The following KIRREL3 variants were observed in gnomAD, a reference collection of about 807,000 sequenced individuals.
KIRREL3 encodes kirre like nephrin family adhesion molecule 3.
A neutral mutation model predicts 89.7 loss-of-function variants in KIRREL3; 36 were observed. The ratio of observed to expected loss-of-function variants is 0.40; its 90% confidence interval spans 0.31 to 0.53. The LOEUF (loss-of-function observed/expected upper bound fraction) is 0.53. Ranked by LOEUF, KIRREL3 falls within the 20% of genes least tolerant of loss-of-function variation. KIRREL3 has a pLI of 0.49. For missense variants in KIRREL3, 864 were observed against 1,056.6 expected (o/e 0.82, Z 2.53); for synonymous variants, 445 against 441.4 (o/e 1.01, Z -0.10).
chr11:126,872,505 G>A lies in KIRREL3; in HGVS notation c.55+127950C>T, dbSNP rs532811494. 1.6e-3 allele frequency among the ~76,000 whole-genome samples: 250 copies of A among 152,258 alleles called. 1 individual carries two copies. The highest frequency in any genetic ancestry group is 3.1e-3 in the Admixed American group (47 of 15,292). Reference sequence around the variant, plus strand: ...TTCTTTCACCATCATCTCCCCATTGGATTATTTCCTGGGTGAAGCCAAGAA... The same window carrying A: ...TTCTTTCACCATCATCTCCCCATTGAATTATTTCCTGGGTGAAGCCAAGAA... On this transcript the variant is annotated intron_variant, in intron 1 of 16. Transcript: ENST00000525144. This position sits in a 1 kb window ranked among gnomAD's most constrained non-coding sequence, Gnocchi z 4.2.
At chr11:126,865,706 T>G (rs1169148643) in intron 1 of KIRREL3, among the ~76,000 whole-genome samples, 1 of 152,218 alleles carries the variant, frequency 6.6e-6, no homozygotes, top group Non-Finnish European at 1.5e-5. Flanking sequence ...TGTTTCTGTC[T>G]ATTTTGAATT....
chr11:126,982,355 C>T (rs1949744207), intron 1 of KIRREL3, among the ~76,000 whole-genome samples: 1 of 152,202 alleles, frequency 6.6e-6, no homozygotes, highest in Non-Finnish European at 1.5e-5. Flanking sequence ...GGCACATTGG[C>T]CTTCAGGCCT....
At chr11:126,862,454 G>T (rs1296603570) in intron 1 of KIRREL3, among the ~76,000 whole-genome samples, 1 of 152,224 alleles carries the variant, frequency 6.6e-6, no homozygotes, top group African/African-American at 2.4e-5. Flanking sequence ...CCTCCTGGGA[G>T]CTGCTTTTCT....
rs1375405726 is a variant in KIRREL3, at chr11:126,578,370, G to T, written c.56-15458C>A. ...GAGGAGGGCAAAATGGGAATTCATT[G>T]GAAGAGATCCTTGGTTCACACGCTA... On this transcript the variant is annotated intron_variant, in intron 1 of 16. Transcript: ENST00000525144. This position sits in a 1 kb window ranked among gnomAD's most constrained non-coding sequence, Gnocchi z 4.9. Among the ~76,000 whole-genome samples the T allele has an allele frequency of 1.3e-5, 2 of 152,170 alleles. No individual in the cohort carries two copies. Among genetic ancestry groups the T allele is most frequent in the African/African-American group, 4.8e-5 (2 of 41,454 alleles).
At position 126,754,638 on chromosome 11, in the gene KIRREL3, C is replaced by T. The variant is rs1030585414; in HGVS notation, c.56-191726G>A. Reference sequence around the variant, plus strand: ...TTTTAAAGTCACCAGGGAGTTCGTGCGCACTCAGTGGTGTCAGGTGGCTGT... The same window carrying T: ...TTTTAAAGTCACCAGGGAGTTCGTGTGCACTCAGTGGTGTCAGGTGGCTGT... On this transcript the variant is annotated intron_variant, in intron 1 of 16. Transcript: ENST00000525144. The surrounding 1 kb of genome is among the most constrained non-coding windows in gnomAD (Gnocchi z 5.1). Among the ~76,000 whole-genome samples, 8 of 151,894 alleles carry T rather than the reference C, an allele frequency of 5.3e-5. No homozygotes were observed. The highest frequency in any genetic ancestry group is 3.3e-4 in the Admixed American group (5 of 15,198).
chr11:126,916,636 G>C (rs1947051954), intron 1 of KIRREL3, among the ~76,000 whole-genome samples: 1 of 152,138 alleles, frequency 6.6e-6, no homozygotes, highest in Admixed American at 6.5e-5. Context: ...CCCTTAAAAA[G>C]CAAACAAACA....
In KIRREL3 at chr11:126,870,115, C is replaced by T. The variant is rs1945059465; in HGVS notation, c.55+130340G>A. 6.6e-6 allele frequency among the ~76,000 whole-genome samples: 1 copy of T among 152,192 alleles called. No homozygotes were observed. The highest frequency in any genetic ancestry group is 1.5e-5 in the Non-Finnish European group (1 of 68,040). ...CCTTTGAATCAGGGGCCCATGAGCACTGTGATTAATGACCAGGAGTGAGTG... is the reference window on the plus strand; with the variant it reads ...CCTTTGAATCAGGGGCCCATGAGCATTGTGATTAATGACCAGGAGTGAGTG... On this transcript the variant is annotated intron_variant, in intron 1 of 16. Transcript: ENST00000525144. The surrounding 1 kb of genome is among the most constrained non-coding windows in gnomAD (Gnocchi z 4.4).
rs986615932 is a variant in KIRREL3 at position 126,428,630 on chromosome 11, G to A, written c.1806+549C>T. Among the ~76,000 whole-genome samples, 1 of 152,100 alleles carries A rather than the reference G, an allele frequency of 6.6e-6. No homozygotes were observed. Among genetic ancestry groups the A allele is most frequent in the Non-Finnish European group, 1.5e-5 (1 of 68,032 alleles). On this transcript the variant is annotated intron_variant, in intron 15 of 16. Coordinates refer to ENST00000525144, the MANE Select transcript of KIRREL3 (RefSeq NM_032531.4). The surrounding 1 kb of genome is among the most constrained non-coding windows in gnomAD (Gnocchi z 6.4). ...TCCTTACTGAAGAGCCAGGCTCTCTGAAGGGTAGACTGCATTTTTGTTGTT... is the reference window on the plus strand; with the variant it reads ...TCCTTACTGAAGAGCCAGGCTCTCTAAAGGGTAGACTGCATTTTTGTTGTT...
chr11:126,456,039 G>GTTTTTTTTTTTTTTT (rs745805898), intron 7 of KIRREL3, among the ~76,000 whole-genome samples: 8 of 68,312 alleles, frequency 1.2e-4, no homozygotes, highest in African/African-American at 3.7e-4. Context: ...TTTTGTTTTC[G>GTTTTTTTTTTTTTTT]TTTTTTTTTT....
chr11:126,827,662 G>T (rs566531156), intron 1 of KIRREL3, among the ~76,000 whole-genome samples: 3 of 152,174 alleles, frequency 2.0e-5, no homozygotes, highest in African/African-American at 4.8e-5. Context: ...TTACATAGGT[G>T]GGCATATCCC....
At chr11:126,851,315 C>T (rs1322498641) in intron 1 of KIRREL3, among the ~76,000 whole-genome samples, 1 of 152,200 alleles carries the variant, frequency 6.6e-6, no homozygotes, top group African/African-American at 2.4e-5. Flanking sequence ...CAGAGCATCA[C>T]TTGTACACTA....
intron 1 of KIRREL3, among the ~76,000 whole-genome samples, chr11:126,901,005 G>C (rs1362520690): frequency 2.0e-5 from 3 of 152,132 alleles, no homozygotes; most frequent in African/African-American, 4.8e-5. Context: ...CACGAGGTCA[G>C]GAGTTCGAGA....
Position 126,489,631 on chromosome 11 carries a change from C to T in KIRREL3, c.434-16165G>A, listed in dbSNP as rs1385624123. Among the ~76,000 whole-genome samples the T allele has an allele frequency of 6.6e-6, 1 of 152,130 alleles. No homozygotes were observed. Among genetic ancestry groups the T allele is most frequent in the Non-Finnish European group, 1.5e-5 (1 of 68,012 alleles). ...TTGGACCCAGGACAGCTGGTGTCCC[C>T]TGGCTTTCCTGAGACCTTGGACGTG... On this transcript the variant is annotated intron_variant, in intron 4 of 16. Coordinates refer to ENST00000525144, the MANE Select transcript of KIRREL3 (RefSeq NM_032531.4). This position sits in a 1 kb window ranked among gnomAD's most constrained non-coding sequence, Gnocchi z 5.5.
intron 1 of KIRREL3, among the ~76,000 whole-genome samples, chr11:126,621,358 A>G (rs1360975520): frequency 6.6e-6 from 1 of 152,200 alleles, no homozygotes; most frequent in Non-Finnish European, 1.5e-5. Context: ...AAATAGGAAA[A>G]TCAGGTTCCT....
At chr11:126,923,475 G>A (rs1305682561) in intron 1 of KIRREL3, among the ~76,000 whole-genome samples, 12 of 114,388 alleles carry the variant, frequency 1.0e-4, no homozygotes, top group African/African-American at 1.7e-4. Flanking sequence ...ACAGAGTCTC[G>A]CACTATCGCC....
rs903275190 is a variant in KIRREL3, at chr11:126,844,385, A to G, written c.55+156070T>C. ...TGGGTAAGCAGTGTGGTGTGGTAAC[A>G]TCTTTCTGGCAAACCATGGAAGGGA... On this transcript the variant is annotated intron_variant, in intron 1 of 16. Coordinates refer to ENST00000525144, the MANE Select transcript of KIRREL3 (RefSeq NM_032531.4). This position sits in a 1 kb window ranked among gnomAD's most constrained non-coding sequence, Gnocchi z 4.8. 1.3e-5 allele frequency among the ~76,000 whole-genome samples: 2 copies of G among 152,196 alleles called. No homozygotes were observed. The highest frequency in any genetic ancestry group is 2.9e-5 in the Non-Finnish European group (2 of 68,024).
chr11:126,753,932 G>A (rs1467561943), intron 1 of KIRREL3, among the ~76,000 whole-genome samples: 2 of 152,194 alleles, frequency 1.3e-5, no homozygotes. Flanking sequence ...CAAGAAGGGA[G>A]TGTATGGTGT....
intron 7 of KIRREL3, among the ~76,000 whole-genome samples, chr11:126,451,063 G>GTGTGTGAT (rs1956091031): frequency 7.5e-6 from 1 of 132,550 alleles, no homozygotes. Flanking sequence ...ATGTGTGCAT[G>GTGTGTGAT]CATGTGCATG....
At chr11:126,861,588 A>G (rs983080204) in intron 1 of KIRREL3, among the ~76,000 whole-genome samples, 51 of 152,208 alleles carry the variant, frequency 3.4e-4, no homozygotes, top group African/African-American at 1.1e-3. Context: ...AATGACCAAT[A>G]TAAAAAATTC....
Sources: gnomAD v4.1 joint callset for allele counts (sites outside exome capture counted in the v4.1 genomes callset) on GRCh38, gnomAD v4.1.1 for gene constraint, Gnocchi (gnomAD v3.1) non-coding constraint, MANE v1.5 for transcripts, NCBI Gene and HGNC (gene_info 2026-07-23, HGNC 2026-07-21) for gene names.